The following SUN1 variants were observed in gnomAD, a reference collection of about 807,000 sequenced individuals.
SUN1 encodes Sad1 and UNC84 domain containing 1.
In SUN1, 61 loss-of-function variants were observed where a neutral mutation model predicts 103.2. That is an observed-to-expected ratio of 0.59 (90% CI 0.48 to 0.73). The LOEUF (loss-of-function observed/expected upper bound fraction) is 0.73, where lower values mean the gene tolerates loss of function less well. Ranked by LOEUF, SUN1 falls within the 30% of genes least tolerant of loss-of-function variation. SUN1 has a pLI of 0.00. For synonymous variants in SUN1, 490 were observed against 425.7 expected, an observed-to-expected ratio of 1.15 and a Z score of -1.86; for missense variants, 1,052 against 1,034.6, an observed-to-expected ratio of 1.02 and a Z score of -0.23.
Position 851,402 on chromosome 7 carries a change from T to G in SUN1, c.677T>G (p.Ile226Ser), listed in dbSNP as rs761634589. 6.2e-7 allele frequency: 1 copy of G among 1,606,900 alleles called. No individual in the cohort carries two copies. Among genetic ancestry groups the G allele is most frequent in the Non-Finnish European group, 8.5e-7 (1 of 1,176,642 alleles). The change falls in exon 6 of 19, where the codon ATT (isoleucine) becomes AGT (serine). Residue 226 changes from isoleucine (I) to serine (S), a missense_variant. By Grantham distance (142) the Ile-to-Ser change is moderately radical. This residue lies in a region of SUN1 where 846 missense variants were observed against 774.5 expected (regional missense o/e 1.09). Transcript: ENST00000401592. ...RNQKCYFLLQ[I>S]LRRIGAVGQA... ...TGCACAGGTTACTTCTTGCTGCAGA[T>G]TCTGCGCAGGATCGGAGCTGTGGGC...
At chr7:849,439 C>A in intron 5 of SUN1, 2 of 1,064,656 alleles carry the variant, frequency 1.9e-6, no homozygotes, top group Non-Finnish European at 2.6e-6. Flanking sequence ...ATCCTCTGAT[C>A]ATGTTGACTT....
At chr7:852,470 G>T in intron 7 of SUN1, 139 bp from the exon 8 acceptor site, 1 of 954,918 alleles carries the variant, frequency 1.0e-6, no homozygotes, top group African/African-American at 1.6e-5. Context: ...GGCATCAGAA[G>T]CCTTGTAGAT....
chr7:866,850 C>G (rs774388200), intron 16 of SUN1, among the ~76,000 whole-genome samples: 32 of 150,140 alleles, frequency 2.1e-4, no homozygotes, highest in Non-Finnish European at 4.1e-4. Context: ...TCGTTGTGCA[C>G]TGCTTTTCTG....
At position 853,575 on chromosome 7, in the gene SUN1, C is replaced by G. The variant is rs771711877; in HGVS notation, c.1220C>G (p.Pro407Arg). Residue 407 changes from proline (P) to arginine (R), a missense_variant, in exon 10 of 19, where the codon CCG becomes CGG. By Grantham distance (103) the Pro-to-Arg change is moderately radical (BLOSUM62 -2). Around this residue, in one of 2 missense-constraint regions of SUN1, gnomAD observed 846 missense variants for 774.5 expected, o/e 1.09. Transcript: ENST00000401592. The part of the protein sequence containing the change: ...VDQMEGGAAG[P>R]SASVRDAVGQ... ...CAGATGGAAGGCGGCGCTGCCGGGC[C>G]GTCAGCTTCGGTCAGAGACGCTGTG... is the stretch of plus-strand genomic sequence containing the variant. 1 of 1,609,002 alleles carries G rather than the reference C, an allele frequency of 6.2e-7. No homozygotes were observed. The highest frequency in any genetic ancestry group is 1.1e-5 in the South Asian group (1 of 91,060).
At position 842,000 on chromosome 7, in the gene SUN1, G is replaced by A; in HGVS notation, c.321G>A (p.Val107=). The A allele has an allele frequency of 6.2e-7, 1 of 1,614,190 alleles. No individual in the cohort carries two copies. The highest frequency in any genetic ancestry group is 8.5e-7 in the Non-Finnish European group (1 of 1,180,042). ...TNKSAFSINH[V]SRQVTSSGVS... is the part of the protein sequence containing the mutation. ...AATCAGCTTTTAGTATCAACCACGT[G>A]TCAAGGCAGGTCACGTCCTCTGGCG... Residue 107 remains valine, a synonymous_variant, in exon 3 of 19, where the codon GTG becomes GTA. Transcript: ENST00000401592.
At chr7:868,003 T>A (rs1215820331) in intron 16 of SUN1, among the ~76,000 whole-genome samples, 1 of 152,186 alleles carries the variant, frequency 6.6e-6, no homozygotes, top group African/African-American at 2.4e-5. Flanking sequence ...GGCTTTGGGC[T>A]GGCAAAGGGA....
chr7:838,610 G>C (rs1296180336), intron 1 of SUN1, among the ~76,000 whole-genome samples, 188 bp from the exon 2 acceptor site: 1 of 152,226 alleles, frequency 6.6e-6, no homozygotes, highest in Non-Finnish European at 1.5e-5. Context: ...GGCTGGGGCA[G>C]ATGTCAGGAG....
Position 869,471 on chromosome 7 carries a change from G to A in SUN1, c.2103G>A (p.Ser701=), listed in dbSNP as rs527428545. 40 of 1,613,728 alleles carry A rather than the reference G, an allele frequency of 2.5e-5. No homozygotes were observed. Among genetic ancestry groups the A allele is most frequent in the South Asian group, 7.7e-5 (7 of 91,076 alleles). Residue 701 remains serine (S), a synonymous_variant, in exon 17 of 19, where the codon TCG becomes TCA. Coordinates refer to ENST00000401592, the MANE Select transcript of SUN1 (RefSeq NM_001130965.3). ...FTLEHIPKTL[S]PTGNISSAPK... is the part of the protein sequence containing the mutation. The stretch of plus-strand genomic sequence containing the variant: ...TGGAGCACATCCCTAAGACGCTGTC[G>A]CCAACAGGCAACATCAGCAGCGCCC...
intron 1 of SUN1, among the ~76,000 whole-genome samples, chr7:820,148 G>A (rs1293580990): frequency 2.0e-5 from 3 of 152,170 alleles, no homozygotes; most frequent in Non-Finnish European, 4.4e-5. Context: ...TATTGAATCT[G>A]TACATCACTG....
chr7:846,710 T>TA (rs143564569), intron 5 of SUN1, among the ~76,000 whole-genome samples: 1 of 151,370 alleles, frequency 6.6e-6, no homozygotes, highest in Non-Finnish European at 1.5e-5. Flanking sequence ...ACCCCATCTC[T>TA]AAAAAAGCAG....
chr7:872,758 G>A (rs902676875), intron 18 of SUN1, among the ~76,000 whole-genome samples, 196 bp downstream of exon 18: 4 of 152,182 alleles, frequency 2.6e-5, no homozygotes, highest in Non-Finnish European at 5.9e-5. Context: ...CGTGCTTCAT[G>A]CCCTGTGATA....
chr7:827,392 A>T (rs149924058), intron 1 of SUN1, among the ~76,000 whole-genome samples: 2 of 151,420 alleles, frequency 1.3e-5, no homozygotes, highest in East Asian at 1.9e-4. Flanking sequence ...TCTCTGGATT[A>T]TTACTAGATT....
chr7:867,590 T>C (rs748088091), intron 16 of SUN1, among the ~76,000 whole-genome samples: 4 of 152,202 alleles, frequency 2.6e-5, no homozygotes, highest in Non-Finnish European at 4.4e-5. Flanking sequence ...AGCCCTCCCC[T>C]GGCACAGTTC....
At chr7:820,245 T>A (rs1383365471) in intron 1 of SUN1, among the ~76,000 whole-genome samples, 1 of 152,266 alleles carries the variant, frequency 6.6e-6, no homozygotes, top group Admixed American at 6.5e-5. Flanking sequence ...TTGTCTTTAA[T>A]TCTTTCAACA....
chr7:817,403 G>A, intron 1 of SUN1: 1 of 1,534,934 alleles, frequency 6.5e-7, no homozygotes, highest in Non-Finnish European at 8.7e-7. Context: ...TGCCCAGAAT[G>A]GTGTCTGGTG....
intron 16 of SUN1, chr7:868,373 C>T (rs148721952): frequency 1.3e-3 from 332 of 257,968 alleles, no homozygotes; most frequent in African/African-American, 7.1e-3. Context: ...CAGATGTGTG[C>T]GCAGCAGGCC....
intron 5 of SUN1, chr7:849,926 A>G: frequency 6.3e-7 from 1 of 1,595,398 alleles, no homozygotes; most frequent in Non-Finnish European, 8.5e-7. Flanking sequence ...CCTGCAGGCG[A>G]CGACTGTAAG....
At chr7:861,614 C>G in intron 15 of SUN1, 150 bp downstream of exon 15, 2 of 791,932 alleles carry the variant, frequency 2.5e-6, no homozygotes, top group South Asian at 3.4e-5. Context: ...TGGGCATGAC[C>G]CTGGTGTTCT....
chr7:860,082 G>A (rs1276189111), intron 13 of SUN1, 46 bp from the exon 14 acceptor site: 4 of 1,601,908 alleles, frequency 2.5e-6, no homozygotes, highest in East Asian at 4.5e-5. Context: ...CAGTGGAAGT[G>A]ATTTAGTTAA....
Sources: gnomAD v4.1 joint callset for allele counts (sites outside exome capture counted in the v4.1 genomes callset) on GRCh38, gnomAD v4.1.1 for gene constraint, gnomAD v4.1.1 regional missense constraint, MANE v1.5 for transcripts, NCBI Gene and HGNC (gene_info 2026-07-23, HGNC 2026-07-21) for gene names.